HAO2: variants seen among roughly 807,000 people sequenced by gnomAD.
HAO2 encodes the protein 2-Hydroxyacid oxidase 2.
HAO2 carries 42 observed loss-of-function variants against 37.4 expected under a neutral mutation model. The observed-to-expected ratio is 1.12, with a 90% CI of 0.88 to 1.45. The LOEUF is 1.45. Among genes scored for constraint, HAO2 ranks in the 40% most tolerant of loss-of-function variants. HAO2 has a pLI of 0.00. For synonymous variants in HAO2, 180 were observed against 162.8 expected (o/e 1.11, Z -0.81); for missense variants, 476 against 430.2 (o/e 1.11, Z -0.94).
rs1650710663 is a variant in HAO2 at position 119,389,611 on chromosome 1, C to T, written c.772-2499C>T. The stretch of plus-strand genomic sequence containing the variant: ...ATTTTGAGAATTATCTATTCGTGTC[C>T]TTAGCTCACTTTTTGATGAGATTTT... On this transcript the variant is annotated intron_variant, in intron 5 of 7. Transcript: ENST00000325945. 3.4e-5 allele frequency among the ~76,000 whole-genome samples: 5 copies of T among 147,618 alleles called. 1 individual carries two copies. The South Asian group carries it at 1.1e-3, about 31-fold the overall frequency.
intron 1 of HAO2, among the ~76,000 whole-genome samples, chr1:119,377,641 C>A (rs1347691316): frequency 6.6e-6 from 1 of 152,160 alleles, no homozygotes; most frequent in Non-Finnish European, 1.5e-5. Context: ...TAAAGAAAAA[C>A]AGGCTTAATG....
chr1:119,384,790 G>C lies in HAO2; in HGVS notation c.298G>C (p.Gly100Arg). 1 of 1,613,848 alleles carries C rather than the reference G, an allele frequency of 6.2e-7. No individual in the cohort carries two copies. Among genetic ancestry groups the C allele is most frequent in the Non-Finnish European group, 8.5e-7 (1 of 1,179,868 alleles). Residue 100 changes from glycine (G) to arginine (R), a missense_variant, in exon 4 of 8, where the codon GGT becomes CGT. Physicochemically the swap from Gly to Arg is moderately radical, Grantham distance 125 (BLOSUM62 -2). Transcript: ENST00000325945. The part of the protein sequence containing the change: ...MSTARAAQAA[G>R]ICYITSTFAS... ...TTGCTTTACAGCTGCCCAAGCGGCT[G>C]GTATCTGCTACATCACCAGCACATT...
rs1206122263 is a variant in HAO2, at chr1:119,384,802, A to G, written c.310A>G (p.Ile104Val). ...RAAQAAGICY[I>V]TSTFASCSLE... ...TGCCCAAGCGGCTGGTATCTGCTAC[A>G]TCACCAGCACATTTGCCAGCTGTAG... is the stretch of plus-strand genomic sequence containing the variant. The change falls in exon 4 of 8, where the codon ATC becomes GTC. Residue 104 changes from isoleucine (I) to valine (V), a missense_variant. By Grantham distance (29) the Ile-to-Val change is conservative. Coordinates refer to ENST00000325945, the MANE Select transcript of HAO2 (RefSeq NM_016527.4). 1 of 1,613,870 alleles carries G rather than the reference A, an allele frequency of 6.2e-7. No individual in the cohort carries two copies. The highest frequency in any genetic ancestry group is 2.2e-5 in the East Asian group (1 of 44,816).
At chr1:119,392,734 T>A in intron 7 of HAO2, 47 bp downstream of exon 7, 1 of 1,131,002 alleles carries the variant, frequency 8.8e-7, no homozygotes. Context: ...GCAGGATGGC[T>A]AAAGAATAGG....
chr1:119,392,716 A>T (rs1397420336), intron 7 of HAO2, 29 bp downstream of exon 7: 3 of 1,346,250 alleles, frequency 2.2e-6, no homozygotes, highest in Non-Finnish European at 3.2e-6. Context: ...CCTGATTTGG[A>T]ACTTAAAGCA....
chr1:119,392,007 C>A, intron 5 of HAO2, 103 bp from the exon 6 acceptor site: 1 of 999,918 alleles, frequency 1.0e-6, no homozygotes, highest in Non-Finnish European at 1.5e-6. Flanking sequence ...AAGAAATTGT[C>A]AAGGGCGTCT....
At chr1:119,392,762 C>G (rs1651016270) in intron 7 of HAO2, 75 bp downstream of exon 7, 1 of 896,658 alleles carries the variant, frequency 1.1e-6, no homozygotes, top group Admixed American at 1.7e-5. Flanking sequence ...GTCCTTCCCT[C>G]TAGCAGACCC....
At position 119,394,075 on chromosome 1, in the gene HAO2, C is replaced by A; in HGVS notation, c.*235C>A. The A allele has an allele frequency of 7.6e-7, 1 of 1,308,546 alleles. No homozygotes were observed. The allele number at this position is 1,308,546 out of a possible 1,614,324, so 81.1% of individuals were successfully genotyped here. A position where few individuals can be genotyped will look rare whatever the true frequency, so the allele number is the denominator to read the frequency against. On this transcript the variant is annotated 3_prime_UTR_variant, in exon 8 of 8. Transcript: ENST00000325945. ...TGACTATTATATGTTGCTCTCTTGC[C>A]TAAATCTTCCTCTGAAGTAAAAGAT...
At chr1:119,389,148 A>ATGTGTG (rs1460486852) in intron 5 of HAO2, among the ~76,000 whole-genome samples, 1 of 63,768 alleles carries the variant, frequency 1.6e-5, no homozygotes, top group African/African-American at 5.1e-5. Context: ...ATATATATAT[A>ATGTGTG]TATATATATA....
intron 7 of HAO2, 61 bp downstream of exon 7, chr1:119,392,748 A>G: frequency 2.0e-6 from 2 of 1,004,780 alleles, no homozygotes; most frequent in South Asian, 2.5e-5. Flanking sequence ...GAATAGGAGC[A>G]GCAGTCCTTC....
chr1:119,379,511 T>C (rs912111844), intron 1 of HAO2, among the ~76,000 whole-genome samples: 2 of 151,196 alleles, frequency 1.3e-5, no homozygotes, highest in African/African-American at 2.5e-5. Flanking sequence ...TGTGATATAA[T>C]TGGTACTTGC....
intron 5 of HAO2, among the ~76,000 whole-genome samples, chr1:119,390,732 G>A (rs956088042): frequency 1.3e-5 from 2 of 152,134 alleles, no homozygotes; most frequent in Non-Finnish European, 1.5e-5. Context: ...GTCTTCTGGG[G>A]ACAACAGCTG....
intron 1 of HAO2, among the ~76,000 whole-genome samples, chr1:119,377,053 TCA>T (rs2101189008): frequency 6.6e-6 from 1 of 152,358 alleles, no homozygotes; most frequent in South Asian, 2.1e-4. Flanking sequence ...TTTTCTATCA[TCA>T]CATCATCAGG....
At chr1:119,380,543 A>C in intron 1 of HAO2, 1 of 626,594 alleles carries the variant, frequency 1.6e-6, no homozygotes, top group South Asian at 2.1e-5. Flanking sequence ...GGGAACTACC[A>C]GATAGTAGCA....
At chr1:119,373,718 T>A (rs948874799) in intron 1 of HAO2, among the ~76,000 whole-genome samples, 6 of 152,166 alleles carry the variant, frequency 3.9e-5, no homozygotes, top group Non-Finnish European at 5.9e-5. Context: ...CTATCATGAC[T>A]AAAGAAGCCA....
chr1:119,385,154 G>A lies in HAO2; in HGVS notation c.561+101G>A, dbSNP rs587611863. ...TTCTTTCTTTCCACAGGCATTTATC[G>A]AACACCTGCTCTGTGCCAGACACTG... On this transcript the variant is annotated intron_variant, in intron 4 of 7. Transcript: ENST00000325945. 2.6e-4 allele frequency: 387 copies of A among 1,494,336 alleles called. 2 individuals are homozygous for A. The South Asian group carries it at 4.7e-3, about 18-fold the overall frequency. The allele number at this position is 1,494,336 out of a possible 1,614,324, so 92.6% of individuals were successfully genotyped here.
intron 1 of HAO2, among the ~76,000 whole-genome samples, chr1:119,374,956 C>T (rs772453173): frequency 1.1e-4 from 16 of 152,132 alleles, no homozygotes; most frequent in South Asian, 6.2e-4. Context: ...CTCAGATTTC[C>T]TCCTCTTTGT....
intron 2 of HAO2, among the ~76,000 whole-genome samples, chr1:119,382,450 C>A (rs1650029434): frequency 6.6e-6 from 1 of 152,146 alleles, no homozygotes; most frequent in Non-Finnish European, 1.5e-5. Flanking sequence ...TCAATCACTC[C>A]CTGGGATTTG....
Position 119,392,686 on chromosome 1 carries a change from A to T in HAO2, c.999A>T (p.Thr333=). The T allele has an allele frequency of 6.3e-7, 1 of 1,580,980 alleles. No homozygotes were observed. Among genetic ancestry groups the T allele is most frequent in the Non-Finnish European group, 8.7e-7 (1 of 1,149,874 alleles). Reference sequence around the variant, plus strand: ...AGTTCCACACTTCCATGGCCCTTACAGGTAAGTTAACATGTTTTCCCTGAT... The same window carrying T: ...AGTTCCACACTTCCATGGCCCTTACTGGTAAGTTAACATGTTTTCCCTGAT... ...TNEFHTSMAL[T]GCRSVAEINR... The change falls in exon 7 of 8, where the codon ACA becomes ACT. Residue 333 remains threonine (T), a splice_region_variant and synonymous_variant. Coordinates refer to ENST00000325945, the MANE Select transcript of HAO2 (RefSeq NM_016527.4).
Sources: gnomAD v4.1 joint callset for allele counts (sites outside exome capture counted in the v4.1 genomes callset) on GRCh38, gnomAD v4.1.1 for gene constraint, MANE v1.5 for transcripts, NCBI Gene and HGNC (gene_info 2026-07-23, HGNC 2026-07-21) for gene names.